EFCAB6: variants seen among roughly 807,000 people sequenced by gnomAD.
EFCAB6 encodes the protein EF-hand calcium-binding domain-containing protein 6.
EFCAB6 carries 156 observed loss-of-function variants against 169.8 expected under a neutral mutation model. The ratio of observed to expected loss-of-function variants is 0.92; its 90% CI spans 0.81 to 1.05. EFCAB6 has a LOEUF of 1.05. EFCAB6 is among the 50% of genes least tolerant of loss of function. EFCAB6 has a pLI of 0.00. For synonymous variants in EFCAB6, 698 were observed against 676.4 expected, an observed-to-expected ratio of 1.03 and a Z score of -0.50; for missense variants, 1,800 against 1,829.1, an observed-to-expected ratio of 0.98 and a Z score of 0.29.
intron 27 of EFCAB6, among the ~76,000 whole-genome samples, chr22:43,541,063 T>A (rs901316796): frequency 1.3e-5 from 2 of 152,126 alleles, no homozygotes; most frequent in Non-Finnish European, 2.9e-5. Flanking sequence ...TCCTTCCAAT[T>A]TGATTTTTGC....
intron 27 of EFCAB6, among the ~76,000 whole-genome samples, chr22:43,542,908 T>C (rs1180102171): frequency 6.6e-6 from 1 of 151,842 alleles, no homozygotes; most frequent in Non-Finnish European, 1.5e-5. Context: ...AGCAAGTGAG[T>C]TTCCACATCA....
intron 20 of EFCAB6, among the ~76,000 whole-genome samples, chr22:43,618,169 A>AAGGAAG (rs1277847574): frequency 0.032 from 969 of 30,322 alleles, 16 homozygotes; most frequent in East Asian, 0.12. Flanking sequence ...AAGGAAGGAA[A>AAGGAAG]GAAAGAAAGA....
At chr22:43,750,896 A>G (rs1182652256) in intron 6 of EFCAB6, among the ~76,000 whole-genome samples, 1 of 152,202 alleles carries the variant, frequency 6.6e-6, no homozygotes, top group Admixed American at 6.5e-5. Context: ...TTATTTACTA[A>G]TTACTTCTGA....
At chr22:43,658,055 C>T (rs2148124010) in intron 17 of EFCAB6, among the ~76,000 whole-genome samples, 1 of 152,022 alleles carries the variant, frequency 6.6e-6, no homozygotes, top group South Asian at 2.1e-4. Context: ...ATGGTGAAAC[C>T]CCGTCTCTAC....
At chr22:43,595,462 T>C (rs1294033272) in intron 23 of EFCAB6, among the ~76,000 whole-genome samples, 3 of 151,740 alleles carry the variant, frequency 2.0e-5, no homozygotes, top group Non-Finnish European at 4.4e-5. Flanking sequence ...AAATAGAAAA[T>C]ATCATTAGAG....
At chr22:43,751,188 A>G (rs913128731) in intron 6 of EFCAB6, among the ~76,000 whole-genome samples, 1 of 152,214 alleles carries the variant, frequency 6.6e-6, no homozygotes, top group Non-Finnish European at 1.5e-5. Flanking sequence ...TCTTCAGTGA[A>G]GAACGTATTT....
intron 26 of EFCAB6, among the ~76,000 whole-genome samples, chr22:43,567,139 A>C (rs74576680): frequency 7.1e-6 from 1 of 141,056 alleles, no homozygotes; most frequent in East Asian, 2.0e-4. Flanking sequence ...CGTCCTCCTC[A>C]TCATCCTCCT....
intron 10 of EFCAB6, among the ~76,000 whole-genome samples, chr22:43,699,553 T>G (rs1457987704): frequency 6.6e-6 from 1 of 152,214 alleles, no homozygotes; most frequent in Admixed American, 6.5e-5. Context: ...ATCTGTTTTC[T>G]GCCTGGACTC....
In EFCAB6 at chr22:43,677,983, T is replaced by C. The variant is rs1348396883; in HGVS notation, c.1419+13A>G. ...AAAGAGAAAACCAAACAGGAAGTTGTTACAAAACTCACCCTACAGTTCTCT... is the reference window on the plus strand; with the variant it reads ...AAAGAGAAAACCAAACAGGAAGTTGCTACAAAACTCACCCTACAGTTCTCT... On this transcript the variant is annotated intron_variant, in intron 13 of 31. Transcript: ENST00000262726. 2 of 1,600,144 alleles carry C rather than the reference T, an allele frequency of 1.2e-6. No homozygotes were observed. The highest frequency in any genetic ancestry group is 1.7e-6 in the Non-Finnish European group (2 of 1,172,874).
chr22:43,685,163 A>G (rs867259505), intron 11 of EFCAB6, among the ~76,000 whole-genome samples: 17 of 152,324 alleles, frequency 1.1e-4, no homozygotes, highest in African/African-American at 4.1e-4. Context: ...TTGGAAATTA[A>G]GTTTGGTTTA....
intron 16 of EFCAB6, among the ~76,000 whole-genome samples, 162 bp from the exon 17 acceptor site, chr22:43,667,434 C>A (rs987076619): frequency 3.9e-5 from 6 of 152,100 alleles, no homozygotes; most frequent in African/African-American, 9.7e-5. Context: ...TTCTTACCCT[C>A]CCCTGGCTGG....
chr22:43,593,111 C>G (rs2051693664), intron 23 of EFCAB6, among the ~76,000 whole-genome samples: 1 of 151,578 alleles, frequency 6.6e-6, no homozygotes, highest in Non-Finnish European at 1.5e-5. Context: ...TTGGAAAGAC[C>G]CACTGACAGC....
intron 19 of EFCAB6, among the ~76,000 whole-genome samples, chr22:43,629,091 A>G (rs1043728851): frequency 6.6e-6 from 1 of 152,184 alleles, no homozygotes; most frequent in African/African-American, 2.4e-5. Context: ...GAAGCAAATC[A>G]TGGCAATCCA....
At chr22:43,696,619 A>G (rs181702270) in intron 10 of EFCAB6, among the ~76,000 whole-genome samples, 279 of 152,352 alleles carry the variant, frequency 1.8e-3, no homozygotes, top group Non-Finnish European at 3.0e-3. Context: ...CTCAGCAATG[A>G]AAATTAATGG....
At chr22:43,631,310 C>G (rs2054924750) in intron 19 of EFCAB6, among the ~76,000 whole-genome samples, 1 of 151,952 alleles carries the variant, frequency 6.6e-6, no homozygotes, top group Non-Finnish European at 1.5e-5. Context: ...CTTCTCATCA[C>G]AAAAAGAGCT....
At chr22:43,611,271 C>T (rs1337684317) in intron 21 of EFCAB6, among the ~76,000 whole-genome samples, 3 of 152,150 alleles carry the variant, frequency 2.0e-5, no homozygotes, top group South Asian at 4.2e-4. Context: ...GAACAAAATA[C>T]CTTGGAATAT....
intron 7 of EFCAB6, among the ~76,000 whole-genome samples, chr22:43,734,963 G>A (rs2060079716): frequency 6.6e-6 from 1 of 152,164 alleles, no homozygotes; most frequent in Non-Finnish European, 1.5e-5. Context: ...AGTGCAATGC[G>A]AAAAGCTTGG....
chr22:43,574,645 C>CAA (rs11287560), intron 26 of EFCAB6, among the ~76,000 whole-genome samples: 16 of 138,526 alleles, frequency 1.2e-4, no homozygotes, highest in African/African-American at 2.9e-4. Context: ...TTTAAAATGA[C>CAA]AAAAAAAAAA....
rs2047020922 is a variant in EFCAB6, at chr22:43,530,950, C to T, written c.4248G>A (p.Ala1416=). The T allele has an allele frequency of 3.1e-6, 5 of 1,614,118 alleles. No homozygotes were observed. Among genetic ancestry groups the T allele is most frequent in the South Asian group, 1.1e-5 (1 of 91,080 alleles). The stretch of plus-strand genomic sequence containing the variant: ...GAGCAGAGTAAAAAGATGGCGTCTC[C>T]GCGCCGGCTTCTTTCTAGACACAAG... The part of the protein sequence containing the change: ...QNAHKMKEAG[A]ETPSFYSALL... Residue 1416 remains alanine, a synonymous_variant, in exon 31 of 32, where the codon GCG becomes GCA. Coordinates refer to ENST00000262726, the MANE Select transcript of EFCAB6 (RefSeq NM_022785.4).
Sources: gnomAD v4.1 joint callset for allele counts (sites outside exome capture counted in the v4.1 genomes callset) on GRCh38, gnomAD v4.1.1 for gene constraint, MANE v1.5 for transcripts, NCBI Gene and HGNC (gene_info 2026-07-23, HGNC 2026-07-21) for gene names.